Variants in ABCA4 observed in about 807,000 individuals in gnomAD.
ABCA4 encodes retinal-specific phospholipid-transporting ATPase ABCA4.
In ABCA4, 196 loss-of-function variants were observed where a neutral mutation model predicts 263.7. The ratio of observed to expected loss-of-function variants is 0.74; its 90% CI spans 0.66 to 0.84. ABCA4 has a LOEUF of 0.84. Among genes scored for constraint, ABCA4 ranks in the 40% least tolerant of loss-of-function variants. ABCA4 has a pLI of 0.00. For synonymous variants in ABCA4, 1,133 were observed against 1,094.2 expected, an observed-to-expected ratio of 1.04 and a Z score of -0.70; for missense variants, 2,792 against 2,855.1, an observed-to-expected ratio of 0.98 and a Z score of 0.50.
intron 11 of ABCA4, among the ~76,000 whole-genome samples, chr1:94,067,060 G>A (rs1661286540): frequency 6.6e-6 from 1 of 152,170 alleles, no homozygotes; most frequent in African/African-American, 2.4e-5. Context: ...CTCTAGAATA[G>A]CATTTTGTCA....
intron 3 of ABCA4, among the ~76,000 whole-genome samples, chr1:94,109,930 G>C (rs1399227955): frequency 6.6e-6 from 1 of 152,166 alleles, no homozygotes; most frequent in East Asian, 1.9e-4. Context: ...AGTACAGCTA[G>C]AGTCTGGAGC....
At chr1:94,113,388 TGCAGATTTGGGTTCAGTATG>T (rs1662665695) in intron 1 of ABCA4, among the ~76,000 whole-genome samples, 1 of 152,260 alleles carries the variant, frequency 6.6e-6, no homozygotes, top group Non-Finnish European at 1.5e-5. Context: ...TGCACATGAA[TGCAGATTTGGGTTCAGTATG>T]GCCCCACCAG....
At chr1:94,096,625 G>A (rs1662129404) in intron 6 of ABCA4, among the ~76,000 whole-genome samples, 1 of 152,176 alleles carries the variant, frequency 6.6e-6, no homozygotes, top group Non-Finnish European at 1.5e-5. Context: ...GAAAGACTTG[G>A]TCTTTCTTGT....
intron 16 of ABCA4, among the ~76,000 whole-genome samples, chr1:94,053,589 A>G (rs1424433454): frequency 6.6e-6 from 1 of 152,222 alleles, no homozygotes; most frequent in African/African-American, 2.4e-5. Flanking sequence ...TCCTTATAAG[A>G]TGGCCATGTA....
intron 6 of ABCA4, among the ~76,000 whole-genome samples, chr1:94,084,908 G>A (rs1661791543): frequency 6.6e-6 from 1 of 152,182 alleles, no homozygotes; most frequent in African/African-American, 2.4e-5. Context: ...AGGCAAAACT[G>A]TGTGTCGATA....
intron 30 of ABCA4, 69 bp downstream of exon 30, chr1:94,029,376 A>C (rs1326993278): frequency 7.5e-7 from 1 of 1,338,592 alleles, no homozygotes; most frequent in Non-Finnish European, 1.0e-6. Context: ...GACTCAGGAG[A>C]TACCAGGGAC....
At chr1:94,030,767 A>C (rs145029313) in intron 28 of ABCA4, among the ~76,000 whole-genome samples, 25 of 152,314 alleles carry the variant, frequency 1.6e-4, no homozygotes, top group African/African-American at 5.5e-4. Context: ...TAAGCTTTGC[A>C]TTCCTTTCCC....
rs17110883 is a variant in ABCA4, at chr1:94,027,416, G to C, written c.4539+2029C>G. Among the ~76,000 whole-genome samples, 4,664 of 152,270 alleles carry C rather than the reference G, an allele frequency of 0.031. 232 individuals carry two copies. The highest frequency in any genetic ancestry group is 0.11 in the African/African-American group (4,363 of 41,522). On this transcript the variant is annotated intron_variant, in intron 30 of 49. Coordinates refer to ENST00000370225, the MANE Select transcript of ABCA4 (RefSeq NM_000350.3). ...ACAGCCTTGACGTCCTGATGCTGGA[G>C]GGTTTTGAGTGGAGGCAGCCACAGG...
chr1:94,021,697 C>G lies in ABCA4; in HGVS notation c.4791G>C (p.Glu1597Asp). Residue 1597 changes from glutamate to aspartate, a missense_variant, in exon 34 of 50, where the codon GAG (glutamate) becomes GAC (aspartate). By Grantham distance (45) the Glu-to-Asp change is conservative (BLOSUM62 2). Coordinates refer to ENST00000370225, the MANE Select transcript of ABCA4 (RefSeq NM_000350.3). ...GGAAATCAGGTATTTCTTTAGAGGC[C>G]TCTCTAGTGATAGGGCCCTAAAAAC... ...MNVSGGPITR[E>D]ASKEIPDFLK... 6.2e-7 allele frequency: 1 copy of G among 1,613,278 alleles called. No individual in the cohort carries two copies. The highest frequency in any genetic ancestry group is 8.5e-7 in the Non-Finnish European group (1 of 1,179,558).
intron 35 of ABCA4, among the ~76,000 whole-genome samples, 168 bp from the exon 36 acceptor site, chr1:94,019,927 T>C (rs1267394739): frequency 6.6e-6 from 1 of 152,206 alleles, no homozygotes; most frequent in Non-Finnish European, 1.5e-5. Context: ...TCTTAATCCA[T>C]ATGGACCAAG....
chr1:94,042,113 A>G (rs556458278), intron 22 of ABCA4, among the ~76,000 whole-genome samples: 78 of 151,688 alleles, frequency 5.1e-4, no homozygotes, highest in African/African-American at 1.8e-3. Flanking sequence ...AAAAAAAAAA[A>G]AAAAAAAGAA....
chr1:94,117,371 C>T (rs549455800), intron 1 of ABCA4, among the ~76,000 whole-genome samples: 5 of 152,188 alleles, frequency 3.3e-5, no homozygotes, highest in Non-Finnish European at 7.4e-5. Flanking sequence ...TTGCCACATC[C>T]TCGGCTTGAT....
At chr1:94,109,006 T>G (rs1662522495) in intron 3 of ABCA4, among the ~76,000 whole-genome samples, 1 of 152,014 alleles carries the variant, frequency 6.6e-6, no homozygotes, top group South Asian at 2.1e-4. Flanking sequence ...TCTCCTGACC[T>G]CGTGATCCAC....
intron 14 of ABCA4, among the ~76,000 whole-genome samples, chr1:94,060,319 G>A (rs990005242): frequency 6.6e-6 from 1 of 152,200 alleles, no homozygotes; most frequent in South Asian, 2.1e-4. Context: ...GGACCCCTGG[G>A]CAGGAAGTGG....
intron 26 of ABCA4, among the ~76,000 whole-genome samples, chr1:94,033,095 A>C (rs1660248146): frequency 6.6e-6 from 1 of 152,190 alleles, no homozygotes; most frequent in Non-Finnish European, 1.5e-5. Flanking sequence ...GAAGTGACTC[A>C]ATCTGCCTAA....
At chr1:94,114,500 T>C (rs1249931597) in intron 1 of ABCA4, among the ~76,000 whole-genome samples, 1 of 150,070 alleles carries the variant, frequency 6.7e-6, no homozygotes, top group Non-Finnish European at 1.5e-5. Context: ...TTTTTTTTTC[T>C]TTTTGAGACG....
Position 94,121,101 on chromosome 1 carries a change from A to T in ABCA4, c.-56T>A. On this transcript the variant is annotated 5_prime_UTR_variant, in exon 1 of 50. Coordinates refer to ENST00000370225, the MANE Select transcript of ABCA4 (RefSeq NM_000350.3). ...AGAGCTGAGGCCCCTCAGACAGCAA[A>T]GGACATAAACGCCGTTAAGAGCGCC... 6.4e-7 allele frequency: 1 copy of T among 1,562,868 alleles called. No individual in the cohort carries two copies. Among genetic ancestry groups the T allele is most frequent in the Non-Finnish European group, 8.8e-7 (1 of 1,133,378 alleles).
chr1:94,098,035 G>A (rs1466547823), intron 6 of ABCA4, among the ~76,000 whole-genome samples: 1 of 152,216 alleles, frequency 6.6e-6, no homozygotes, highest in Non-Finnish European at 1.5e-5. Flanking sequence ...GGGATTACAG[G>A]CGTGAGCCAC....
At chr1:94,109,732 G>A (rs1411099708) in intron 3 of ABCA4, among the ~76,000 whole-genome samples, 1 of 152,192 alleles carries the variant, frequency 6.6e-6, no homozygotes, top group Non-Finnish European at 1.5e-5. Context: ...TGCCTCTCCT[G>A]AGCCCCGCCT....
Sources: allele counts gnomAD v4.1 joint callset (sites outside exome capture counted in the v4.1 genomes callset), GRCh38; gene constraint gnomAD v4.1.1; transcripts MANE v1.5; gene names NCBI Gene and HGNC (gene_info 2026-07-23, HGNC 2026-07-21).